The following ADARB1 variants were observed in gnomAD, a reference collection of about 807,000 sequenced individuals.
ADARB1 encodes the protein double-stranded RNA-specific editase 1.
ADARB1 carries 10 observed loss-of-function variants against 52.4 expected under a neutral mutation model. That is an observed-to-expected ratio of 0.19 (90% CI 0.12 to 0.32). The LOEUF is 0.32. Ranked by LOEUF, ADARB1 falls within the 10% of genes least tolerant of loss-of-function variation. ADARB1 has a pLI of 1.00. For missense variants in ADARB1, 643 were observed against 922.3 expected (o/e 0.70, Z 3.92); for synonymous variants, 349 against 371.1 (o/e 0.94, Z 0.68).
chr21:45,217,387 G>A (rs2146437657), intron 9 of ADARB1, among the ~76,000 whole-genome samples: 1 of 151,938 alleles, frequency 6.6e-6, no homozygotes, highest in South Asian at 2.1e-4. Flanking sequence ...ATTTGGTGGT[G>A]GTTTTTAGGG....
chr21:45,225,221 G>A lies in ADARB1; in HGVS notation c.*3024G>A. ...TGGGGCGGTGTGTTCTGTGCCATGA[G>A]GCAGCGACAGGTCCAGATGGATGTC... On this transcript the variant is annotated 3_prime_UTR_variant, in exon 11 of 11. Transcript: ENST00000348831. The A allele has an allele frequency of 1.8e-6, 2 of 1,085,930 alleles. No individual in the cohort carries two copies. The highest frequency in any genetic ancestry group is 5.6e-5 in the East Asian group (1 of 17,724). The allele number at this position is 1,085,930 out of a possible 1,614,324, so 67.3% of individuals were successfully genotyped here. A position where few individuals can be genotyped will look rare whatever the true frequency, so the allele number is the denominator to read the frequency against.
chr21:45,105,084 T>A (rs1400421791), intron 1 of ADARB1, among the ~76,000 whole-genome samples: 9 of 1,158 alleles, frequency 7.8e-3, no homozygotes, highest in African/African-American at 0.019. Flanking sequence ...GCTTCGTTGT[T>A]TTGTTTTGTT....
intron 2 of ADARB1, among the ~76,000 whole-genome samples, chr21:45,155,617 T>C (rs895121574): frequency 6.8e-6 from 1 of 146,598 alleles, no homozygotes; most frequent in African/African-American, 2.5e-5. Context: ...CATCCACCCA[T>C]CTACCCATGC....
At chr21:45,189,001 C>T (rs148358757) in intron 8 of ADARB1, among the ~76,000 whole-genome samples, 48 of 152,300 alleles carry the variant, frequency 3.2e-4, no homozygotes, top group African/African-American at 1.0e-3. Context: ...TGCAGGGAAA[C>T]TCCCCTTTAT....
intron 1 of ADARB1, among the ~76,000 whole-genome samples, chr21:45,089,866 G>T: frequency 6.6e-6 from 1 of 152,196 alleles, no homozygotes; most frequent in East Asian, 1.9e-4. Flanking sequence ...CTAGATGGAG[G>T]ATCCTTTTGG....
intron 2 of ADARB1, among the ~76,000 whole-genome samples, chr21:45,154,279 G>C (rs112919090): frequency 1.6e-4 from 25 of 152,302 alleles, no homozygotes; most frequent in African/African-American, 5.1e-4. Context: ...ATGTGAGTAA[G>C]TTCATTGTGA....
chr21:45,112,309 T>C (rs1303828854), intron 1 of ADARB1, among the ~76,000 whole-genome samples: 1 of 152,240 alleles, frequency 6.6e-6, no homozygotes, highest in Non-Finnish European at 1.5e-5. Context: ...GTGTCTTTTC[T>C]GGAATTGCCT....
intron 2 of ADARB1, among the ~76,000 whole-genome samples, chr21:45,156,438 T>TCCACCCATCATTACCCA (rs1601651769): frequency 9.2e-6 from 1 of 108,192 alleles, no homozygotes; most frequent in African/African-American, 3.4e-5. Flanking sequence ...CCATCATCCA[T>TCCACCCATCATTACCCA]TCGTCCATCC....
intron 8 of ADARB1, among the ~76,000 whole-genome samples, chr21:45,186,954 G>A (rs2092128418): frequency 6.6e-6 from 1 of 152,172 alleles, no homozygotes; most frequent in Non-Finnish European, 1.5e-5. Flanking sequence ...TTTGAAATGA[G>A]GAAGTTTGAA....
chr21:45,105,146 G>C (rs2087192921), intron 1 of ADARB1, among the ~76,000 whole-genome samples: 1 of 152,018 alleles, frequency 6.6e-6, no homozygotes, highest in Admixed American at 6.6e-5. Context: ...TGTCACCCAG[G>C]CTGGAGAGCA....
At chr21:45,129,532 G>A (rs993993936) in intron 2 of ADARB1, among the ~76,000 whole-genome samples, 13 of 152,250 alleles carry the variant, frequency 8.5e-5, no homozygotes, top group Admixed American at 3.9e-4. Context: ...ACTGACGAGC[G>A]CCCACTGGGC....
At chr21:45,086,456 C>A (rs549806441) in intron 1 of ADARB1, among the ~76,000 whole-genome samples, 7 of 152,332 alleles carry the variant, frequency 4.6e-5, no homozygotes, top group Admixed American at 1.3e-4. Flanking sequence ...ACTCCTGTCA[C>A]CTCAAATGTT....
intron 1 of ADARB1, among the ~76,000 whole-genome samples, chr21:45,118,309 T>C (rs551898363): frequency 6.6e-6 from 1 of 152,314 alleles, no homozygotes; most frequent in East Asian, 1.9e-4. Context: ...GAGCACCTCC[T>C]TAATCCACTT....
intron 1 of ADARB1, among the ~76,000 whole-genome samples, chr21:45,085,686 C>T (rs987774289): frequency 6.6e-6 from 1 of 152,138 alleles, no homozygotes; most frequent in African/African-American, 2.4e-5. Context: ...TTTGTTGTCA[C>T]GTAGTAGATG....
At position 45,222,129 on chromosome 21, in the gene ADARB1, A is replaced by G. The variant is rs760544800; in HGVS notation, c.2038A>G (p.Ile680Val). The change falls in exon 11 of 11, where the codon ATC (isoleucine) becomes GTC (valine). Residue 680 changes from isoleucine (I) to valine (V), a missense_variant. By Grantham distance (29) the Ile-to-Val change is conservative. This residue lies in a region of ADARB1 where 263 missense variants were observed against 475.8 expected (regional missense o/e 0.55). Coordinates refer to ENST00000348831, the MANE Select transcript of ADARB1 (RefSeq NM_001112.4). ...CAAGGCGCGTCTGTTCACAGCCTTC[A>G]TCAAGGCGGGGCTGGGGGCCTGGGT... ...AAKARLFTAF[I>V]KAGLGAWVEK... The G allele has an allele frequency of 2.4e-5, 39 of 1,611,928 alleles. No individual in the cohort carries two copies. Among genetic ancestry groups the G allele is most frequent in the Non-Finnish European group, 3.2e-5 (38 of 1,179,320 alleles).
intron 1 of ADARB1, among the ~76,000 whole-genome samples, chr21:45,121,978 C>T (rs934741549): frequency 6.6e-6 from 1 of 152,202 alleles, no homozygotes; most frequent in Admixed American, 6.5e-5. Context: ...CAAATGGCAG[C>T]TACTGTCAAA....
At chr21:45,103,002 A>T (rs910276776) in intron 1 of ADARB1, among the ~76,000 whole-genome samples, 2 of 152,058 alleles carry the variant, frequency 1.3e-5, no homozygotes, top group Non-Finnish European at 2.9e-5. Context: ...GTGGGCCTTC[A>T]CCTCTGGGGG....
intron 1 of ADARB1, among the ~76,000 whole-genome samples, chr21:45,075,023 C>T (rs537749833): frequency 2.0e-5 from 3 of 151,264 alleles, no homozygotes. Flanking sequence ...GAAGCTGCGC[C>T]CGGGCGGCCC....
intron 9 of ADARB1, among the ~76,000 whole-genome samples, chr21:45,218,292 A>C (rs1462592576): frequency 6.6e-6 from 1 of 151,912 alleles, no homozygotes; most frequent in Admixed American, 6.6e-5. Flanking sequence ...CTTTAAGTTC[A>C]CTAATCTTTT....
Sources: gnomAD v4.1 joint callset for allele counts (sites outside exome capture counted in the v4.1 genomes callset) on GRCh38, gnomAD v4.1.1 for gene constraint, gnomAD v4.1.1 regional missense constraint, MANE v1.5 for transcripts, NCBI Gene and HGNC (gene_info 2026-07-23, HGNC 2026-07-21) for gene names.